The following NMNAT3 variants were observed in gnomAD, a reference collection of about 807,000 sequenced individuals.
NMNAT3 encodes nicotinamide nucleotide adenylyltransferase 3.
A neutral mutation model predicts 24.8 loss-of-function variants in NMNAT3; 21 were observed. That is an observed-to-expected ratio of 0.85 (90% confidence interval 0.60 to 1.22). The LOEUF is 1.22. NMNAT3 is among the 50% of genes most tolerant of loss of function. The probability of loss-of-function intolerance (pLI) is 0.00; values close to 1 mark genes in which losing one functional copy is unlikely to be tolerated. For synonymous variants in NMNAT3, 136 were observed against 155.2 expected (o/e 0.88, Z 0.92); for missense variants, 387 against 436.6 (o/e 0.89, Z 1.01).
intron 1 of NMNAT3, among the ~76,000 whole-genome samples, chr3:139,640,152 A>G (rs554273588): frequency 2.0e-5 from 3 of 152,276 alleles, no homozygotes; most frequent in African/African-American, 7.2e-5. Context: ...TCCTAGGAAC[A>G]TGCTAGTAGA....
chr3:139,565,123 T>C (rs1380257076), intron 6 of NMNAT3, among the ~76,000 whole-genome samples: 1 of 152,222 alleles, frequency 6.6e-6, no homozygotes, highest in Non-Finnish European at 1.5e-5. Flanking sequence ...CTTTATGCTA[T>C]GTATACAGTA....
At chr3:139,622,779 T>TATCA (rs544668994) in intron 3 of NMNAT3, among the ~76,000 whole-genome samples, 1,564 of 142,506 alleles carry the variant, frequency 0.011, 17 homozygotes, top group Middle Eastern at 0.047. Flanking sequence ...ATCATATATA[T>TATCA]GATATATATA....
intron 6 of NMNAT3, among the ~76,000 whole-genome samples, chr3:139,572,918 G>C (rs1938632214): frequency 6.6e-6 from 1 of 152,184 alleles, no homozygotes; most frequent in South Asian, 2.1e-4. Context: ...GGGAGACCCT[G>C]CCGTAGGAAA....
intron 2 of NMNAT3, among the ~76,000 whole-genome samples, chr3:139,632,349 A>G (rs6786606): frequency 0.14 from 21,667 of 151,982 alleles, 1,731 homozygotes; most frequent in Non-Finnish European, 0.17. Context: ...ATCCTTGCCT[A>G]TTGGGCCCTC....
At chr3:139,569,733 C>T (rs541444429) in intron 6 of NMNAT3, 16 of 152,278 alleles carry the variant, frequency 1.1e-4, no homozygotes, top group African/African-American at 3.6e-4. Flanking sequence ...GATGGGCTTC[C>T]CTTTGAGGGT....
At chr3:139,641,597 G>A (rs1239474149) in intron 1 of NMNAT3, among the ~76,000 whole-genome samples, 2 of 152,176 alleles carry the variant, frequency 1.3e-5, no homozygotes, top group Non-Finnish European at 2.9e-5. Flanking sequence ...AAAGCCCAAG[G>A]AGGACATATG....
chr3:139,596,279 C>T (rs2054455205), intron 3 of NMNAT3, among the ~76,000 whole-genome samples: 1 of 152,114 alleles, frequency 6.6e-6, no homozygotes, highest in Non-Finnish European at 1.5e-5. Context: ...ATTTTTTTCT[C>T]TACCCCTGGA....
At chr3:139,671,044 C>T (rs1236771268) in intron 1 of NMNAT3, among the ~76,000 whole-genome samples, 1 of 152,008 alleles carries the variant, frequency 6.6e-6, no homozygotes, top group Non-Finnish European at 1.5e-5. Flanking sequence ...GATGAGGCCA[C>T]AAAGGTAGTG....
chr3:139,603,380 C>G (rs1422895571), intron 3 of NMNAT3, among the ~76,000 whole-genome samples: 1 of 152,152 alleles, frequency 6.6e-6, no homozygotes, highest in Admixed American at 6.5e-5. Flanking sequence ...CCATGTTACC[C>G]AGACTTAGGA....
At chr3:139,641,102 A>G (rs951469762) in intron 1 of NMNAT3, among the ~76,000 whole-genome samples, 2 of 152,200 alleles carry the variant, frequency 1.3e-5, no homozygotes, top group East Asian at 3.8e-4. Context: ...AGAATCCACA[A>G]CTACAACTGG....
intron 6 of NMNAT3, chr3:139,567,058 C>G (rs1307657321): frequency 6.6e-6 from 1 of 151,716 alleles, no homozygotes; most frequent in African/African-American, 2.4e-5. Context: ...GTTTGTAGTT[C>G]TCCTTGAAGA....
chr3:139,670,256 C>A (rs372415499), intron 1 of NMNAT3, among the ~76,000 whole-genome samples: 3 of 152,156 alleles, frequency 2.0e-5, no homozygotes, highest in Non-Finnish European at 2.9e-5. Context: ...CAGGCCTCAT[C>A]GTCTTAGAGC....
intron 2 of NMNAT3, chr3:139,636,203 T>A (rs992671090): frequency 6.6e-6 from 1 of 152,216 alleles, no homozygotes; most frequent in East Asian, 1.9e-4. Flanking sequence ...ATTTAATGAA[T>A]GTTTATTGGG....
chr3:139,571,010 C>T (rs116316995), intron 6 of NMNAT3: 14,025 of 152,682 alleles, frequency 0.092, 679 homozygotes, highest in Middle Eastern at 0.13. Context: ...GCTTCCTGGA[C>T]GCTTTGTTTA....
intron 1 of NMNAT3, among the ~76,000 whole-genome samples, chr3:139,653,577 T>C (rs2057130613): frequency 1.3e-5 from 2 of 152,246 alleles, no homozygotes; most frequent in African/African-American, 2.4e-5. Flanking sequence ...CTAAGTGTAG[T>C]AGCCACGTGT....
At chr3:139,611,974 C>G (rs9850462) in intron 3 of NMNAT3, among the ~76,000 whole-genome samples, 1 of 151,986 alleles carries the variant, frequency 6.6e-6, no homozygotes, top group South Asian at 2.1e-4. Context: ...TCGAGACCAG[C>G]CTGACCAACA....
intron 3 of NMNAT3, among the ~76,000 whole-genome samples, chr3:139,593,822 G>A (rs1191703348): frequency 6.8e-6 from 1 of 147,028 alleles, no homozygotes; most frequent in East Asian, 2.0e-4. Context: ...GTGTGTAGAG[G>A]GAAATTTATA....
intron 3 of NMNAT3, among the ~76,000 whole-genome samples, chr3:139,623,993 T>C (rs1196230286): frequency 6.6e-6 from 1 of 152,236 alleles, no homozygotes; most frequent in Non-Finnish European, 1.5e-5. Context: ...CACTGGTCAA[T>C]AGGAATTTTT....
chr3:139,609,100 A>ATG (rs2055077236), intron 3 of NMNAT3, among the ~76,000 whole-genome samples: 1 of 152,170 alleles, frequency 6.6e-6, no homozygotes, highest in Non-Finnish European at 1.5e-5. Context: ...GGAGTAGTCT[A>ATG]TGGTATGGAT....
Sources: gnomAD v4.1 joint callset for allele counts (sites outside exome capture counted in the v4.1 genomes callset) on GRCh38, gnomAD v4.1.1 for gene constraint, MANE v1.5 for transcripts, NCBI Gene and HGNC (gene_info 2026-07-23, HGNC 2026-07-21) for gene names.